The following ARPP21 variants were observed in gnomAD, a reference collection of about 807,000 sequenced individuals.
The protein encoded by ARPP21 is cAMP-regulated phosphoprotein 21.
A neutral mutation model predicts 113.2 loss-of-function variants in ARPP21; 69 were observed. The observed-to-expected ratio is 0.61, with a 90% confidence interval of 0.50 to 0.74. The LOEUF is 0.74. Ranked by LOEUF, ARPP21 falls within the 30% of genes least tolerant of loss-of-function variation. The pLI, the probability that ARPP21 is intolerant of heterozygous loss-of-function variation, is 0.00. For synonymous variants in ARPP21, 368 were observed against 375.5 expected, an observed-to-expected ratio of 0.98 and a Z score of 0.23; for missense variants, 1,070 against 1,037.4, an observed-to-expected ratio of 1.03 and a Z score of -0.43.
At chr3:35,699,851 C>T (rs1287561982) in intron 9 of ARPP21, among the ~76,000 whole-genome samples, 2 of 151,570 alleles carry the variant, frequency 1.3e-5, no homozygotes, top group African/African-American at 2.4e-5. Flanking sequence ...AAAAACACAA[C>T]AATTATATTC....
At chr3:35,774,527 A>C in intron 19 of ARPP21, among the ~76,000 whole-genome samples, 1 of 152,094 alleles carries the variant, frequency 6.6e-6, no homozygotes, top group East Asian at 1.9e-4. Context: ...AATACTTAGA[A>C]TCCTTCTGGA....
chr3:35,758,664 C>T (rs1180348365), intron 19 of ARPP21, among the ~76,000 whole-genome samples: 4 of 152,050 alleles, frequency 2.6e-5, no homozygotes, highest in Non-Finnish European at 4.4e-5. Flanking sequence ...GGCACAGAAA[C>T]TACGCTTTTG....
intron 1 of ARPP21, chr3:35,642,276 C>T (rs1382564187): frequency 1.3e-5 from 2 of 152,098 alleles, no homozygotes; most frequent in African/African-American, 4.8e-5. Context: ...GCATGCTCCA[C>T]TGGGGAGTTC....
chr3:35,762,124 T>TCCCACACACACA (rs1228601723), intron 19 of ARPP21, among the ~76,000 whole-genome samples: 1 of 141,152 alleles, frequency 7.1e-6, no homozygotes, highest in African/African-American at 2.7e-5. Flanking sequence ...TCTCTCTCTC[T>TCCCACACACACA]CTCACACACA....
intron 19 of ARPP21, among the ~76,000 whole-genome samples, chr3:35,779,140 T>C (rs2096462433): frequency 6.6e-6 from 1 of 152,146 alleles, no homozygotes; most frequent in Non-Finnish European, 1.5e-5. Context: ...GAAAAGTTTG[T>C]TGGTAGATAC....
intron 19 of ARPP21, among the ~76,000 whole-genome samples, chr3:35,776,559 C>T (rs957038852): frequency 2.0e-5 from 3 of 152,092 alleles, no homozygotes; most frequent in Non-Finnish European, 4.4e-5. Flanking sequence ...CCCTTTTGCC[C>T]TAGGATGGCT....
At chr3:35,683,024 C>A in intron 4 of ARPP21, 135 bp downstream of exon 4, 3 of 790,578 alleles carry the variant, frequency 3.8e-6, no homozygotes, top group Non-Finnish European at 5.9e-6. Flanking sequence ...TGTACTGGTG[C>A]TGGCTGTTTT....
At chr3:35,736,612 G>A (rs969659025) in intron 15 of ARPP21, among the ~76,000 whole-genome samples, 7 of 152,218 alleles carry the variant, frequency 4.6e-5, no homozygotes, top group East Asian at 1.9e-4. Context: ...CTAAAACCCC[G>A]GGTATCCTTG....
chr3:35,661,520 T>G (rs1185326749), intron 1 of ARPP21, among the ~76,000 whole-genome samples: 4 of 152,198 alleles, frequency 2.6e-5, no homozygotes, highest in African/African-American at 9.7e-5. Flanking sequence ...ATTAGAATCT[T>G]TGAACTGCTA....
chr3:35,792,647 C>G, intron 20 of ARPP21, 117 bp downstream of exon 20: 1 of 820,610 alleles, frequency 1.2e-6, no homozygotes, highest in South Asian at 1.6e-5. Context: ...TGGTCCATAA[C>G]TGTTGATAAT....
chr3:35,689,711 A>G (rs949117471), intron 7 of ARPP21, among the ~76,000 whole-genome samples: 1 of 151,676 alleles, frequency 6.6e-6, no homozygotes, highest in African/African-American at 2.4e-5. Flanking sequence ...TAATGCAGCT[A>G]TGTATTCATT....
chr3:35,689,590 A>G (rs2149606345), intron 7 of ARPP21, among the ~76,000 whole-genome samples: 1 of 151,690 alleles, frequency 6.6e-6, no homozygotes, highest in African/African-American at 2.4e-5. Context: ...TAGTTACCCA[A>G]TTAATAAATT....
intron 10 of ARPP21, among the ~76,000 whole-genome samples, chr3:35,708,337 G>A (rs1473332749): frequency 6.6e-6 from 1 of 152,060 alleles, no homozygotes; most frequent in Non-Finnish European, 1.5e-5. Flanking sequence ...TAGAGTTCTT[G>A]GTATTGACTC....
At chr3:35,654,041 T>C (rs1344402340) in intron 1 of ARPP21, among the ~76,000 whole-genome samples, 1 of 151,992 alleles carries the variant, frequency 6.6e-6, no homozygotes, top group Non-Finnish European at 1.5e-5. Context: ...ATATTTGCAC[T>C]CACCACCCAT....
At chr3:35,647,936 C>G in intron 1 of ARPP21, among the ~76,000 whole-genome samples, 1 of 152,152 alleles carries the variant, frequency 6.6e-6, no homozygotes, top group East Asian at 1.9e-4. Flanking sequence ...ATATTATTCA[C>G]TTAAAAGAAA....
rs531141468 is a variant in ARPP21, at chr3:35,682,825, T to G, written c.130-23T>G. ...TTTTGTTTGTTTTATTTTATTTTGT[T>G]TTATTTTCTTTCCAACATACAGAGG... is the stretch of plus-strand genomic sequence containing the variant. On this transcript the variant is annotated intron_variant, in intron 3 of 20. Coordinates refer to ENST00000684406, the MANE Select transcript of ARPP21 (RefSeq NM_001385562.1). The G allele has an allele frequency of 5.1e-5, 82 of 1,596,896 alleles. No individual in the cohort carries two copies. In the South Asian group the frequency reaches 8.6e-4, roughly 17 times the overall value.
intron 1 of ARPP21, among the ~76,000 whole-genome samples, chr3:35,648,034 T>C (rs1416680192): frequency 7.2e-5 from 11 of 152,172 alleles, no homozygotes. Context: ...AAAAAAAATA[T>C]TTTGGTAATT....
chr3:35,730,911 G>A (rs544825976), intron 15 of ARPP21, among the ~76,000 whole-genome samples: 15 of 152,250 alleles, frequency 9.9e-5, no homozygotes, highest in South Asian at 2.1e-4. Context: ...ATTGAAAACC[G>A]TTTGAAAGCT....
intron 19 of ARPP21, chr3:35,784,866 C>T (rs1295117264): frequency 6.6e-6 from 1 of 151,396 alleles, no homozygotes; most frequent in Non-Finnish European, 1.5e-5. Context: ...GTTGCAGTGA[C>T]AGGTGGATTT....
Sources: gnomAD v4.1 joint callset for allele counts (sites outside exome capture counted in the v4.1 genomes callset) on GRCh38, gnomAD v4.1.1 for gene constraint, MANE v1.5 for transcripts, NCBI Gene and HGNC (gene_info 2026-07-23, HGNC 2026-07-21) for gene names.